Variants in SNTG1 observed in about 807,000 individuals in gnomAD.
SNTG1 encodes gamma-1-syntrophin.
SNTG1 carries 39 observed loss-of-function variants against 74.7 expected under a neutral mutation model. The ratio of observed to expected loss-of-function variants is 0.52; its 90% confidence interval spans 0.40 to 0.68. The LOEUF is 0.68. Among genes scored for constraint, SNTG1 ranks in the 30% least tolerant of loss-of-function variants. SNTG1 has a pLI of 0.00. For missense variants in SNTG1, 685 were observed against 609.5 expected, an observed-to-expected ratio of 1.12 and a Z score of -1.30; for synonymous variants, 254 against 217.1, an observed-to-expected ratio of 1.17 and a Z score of -1.49.
At chr8:49,944,559 C>G (rs1808988850) in intron 1 of SNTG1, among the ~76,000 whole-genome samples, 1 of 115,378 alleles carries the variant, frequency 8.7e-6, no homozygotes, top group Non-Finnish European at 1.6e-5. Context: ...AGGGGAACAT[C>G]ACCCTCTGGG....
rs1261505360 is a variant in SNTG1 at position 50,484,137 on chromosome 8, CTTCT to C, written c.364-18629_364-18626del. On this transcript the variant is annotated intron_variant, in intron 8 of 18. Coordinates refer to ENST00000642720, the MANE Select transcript of SNTG1 (RefSeq NM_018967.5). ...CTTTCTTTCTTTCTTTCTTTCTTTCCTTCTTTCTTTCTTTCCTTCCTTCCTTCCT... is the reference window on the plus strand; with the variant it reads ...CTTTCTTTCTTTCTTTCTTTCTTTCCTTCTTTCTTTCCTTCCTTCCTTCCT... 4.7e-3 allele frequency among the ~76,000 whole-genome samples: 261 copies of C among 55,858 alleles called. 4 individuals are homozygous for C. The highest frequency in any genetic ancestry group is 0.014 in the African/African-American group (251 of 18,144). 36.6% of individuals were successfully genotyped at this position (55,858 alleles called of 152,430 possible).
At chr8:50,434,134 G>A (rs993412730) in intron 4 of SNTG1, among the ~76,000 whole-genome samples, 1 of 148,140 alleles carries the variant, frequency 6.8e-6, no homozygotes, top group Non-Finnish European at 1.5e-5. Context: ...GTGAGAACAT[G>A]CGGTGTTTGG....
chr8:50,401,139 C>CAT (rs1346600998), intron 3 of SNTG1, among the ~76,000 whole-genome samples: 1 of 151,822 alleles, frequency 6.6e-6, no homozygotes, highest in African/African-American at 2.4e-5. Context: ...TGTATATCCC[C>CAT]ATATATATAT....
chr8:50,587,084 AT>A (rs2094654068), intron 12 of SNTG1, among the ~76,000 whole-genome samples: 1 of 151,908 alleles, frequency 6.6e-6, no homozygotes, highest in Non-Finnish European at 1.5e-5. Flanking sequence ...GCTTACAGAC[AT>A]TAATCTAAAT....
chr8:50,128,847 A>G (rs1182549062), intron 1 of SNTG1, among the ~76,000 whole-genome samples: 1 of 152,128 alleles, frequency 6.6e-6, no homozygotes, highest in Non-Finnish European at 1.5e-5. Context: ...CACAATTTGA[A>G]CTTTATATCA....
intron 9 of SNTG1, among the ~76,000 whole-genome samples, chr8:50,504,010 G>T (rs1337939424): frequency 6.6e-6 from 1 of 152,116 alleles, no homozygotes; most frequent in Non-Finnish European, 1.5e-5. Flanking sequence ...CCCACTGAAA[G>T]GCCACAGTGT....
chr8:50,318,115 C>A (rs891285114), intron 2 of SNTG1, among the ~76,000 whole-genome samples: 1 of 152,012 alleles, frequency 6.6e-6, no homozygotes, highest in Admixed American at 6.6e-5. Context: ...GGATTACAGG[C>A]GTGAGCCACC....
chr8:50,657,823 A>G (rs966541583), intron 14 of SNTG1, among the ~76,000 whole-genome samples: 4 of 152,136 alleles, frequency 2.6e-5, no homozygotes, highest in Non-Finnish European at 5.9e-5. Flanking sequence ...ATATGTATAG[A>G]TACCTATTGC....
intron 1 of SNTG1, among the ~76,000 whole-genome samples, chr8:50,042,979 T>C (rs1333072925): frequency 6.6e-6 from 1 of 152,102 alleles, no homozygotes; most frequent in Non-Finnish European, 1.5e-5. Context: ...AGCCATTGAG[T>C]AATAAAAAAC....
At chr8:50,600,015 A>G (rs1355057357) in intron 13 of SNTG1, among the ~76,000 whole-genome samples, 1 of 152,068 alleles carries the variant, frequency 6.6e-6, no homozygotes, top group Non-Finnish European at 1.5e-5. Context: ...TCATGAAGGG[A>G]TATTGAATTT....
chr8:50,695,638 T>G (rs1251358718), intron 15 of SNTG1, among the ~76,000 whole-genome samples: 1 of 151,812 alleles, frequency 6.6e-6, no homozygotes, highest in East Asian at 1.9e-4. Context: ...TCTTACTCTT[T>G]GAAGTCTTCA....
chr8:50,351,112 G>C (rs570951050), intron 2 of SNTG1, among the ~76,000 whole-genome samples: 1 of 152,178 alleles, frequency 6.6e-6, no homozygotes, highest in Non-Finnish European at 1.5e-5. Flanking sequence ...ACCCTTACAT[G>C]GTGTTGGCAG....
At chr8:50,249,559 G>C (rs2086555374) in intron 2 of SNTG1, among the ~76,000 whole-genome samples, 1 of 152,200 alleles carries the variant, frequency 6.6e-6, no homozygotes. Flanking sequence ...AGACCAGGCA[G>C]TGACCCTGAC....
At chr8:50,710,756 C>T (rs760113119) in intron 17 of SNTG1, among the ~76,000 whole-genome samples, 21 of 152,224 alleles carry the variant, frequency 1.4e-4, no homozygotes, top group South Asian at 4.1e-4. Flanking sequence ...GTTCTGGGAA[C>T]GAGTGCGTAG....
intron 4 of SNTG1, among the ~76,000 whole-genome samples, chr8:50,412,438 G>A (rs1163354985): frequency 6.6e-6 from 1 of 152,014 alleles, no homozygotes; most frequent in Non-Finnish European, 1.5e-5. Context: ...TTATTATTAT[G>A]TTTTTCACTT....
At chr8:50,007,750 G>T (rs1815378643) in intron 1 of SNTG1, among the ~76,000 whole-genome samples, 1 of 151,986 alleles carries the variant, frequency 6.6e-6, no homozygotes, top group Admixed American at 6.6e-5. Context: ...TGAATTTAGA[G>T]GAAAGAGAAT....
chr8:50,747,735 TTTCC>T (rs1004081159), intron 17 of SNTG1: 3 of 151,978 alleles, frequency 2.0e-5, no homozygotes, highest in African/African-American at 7.2e-5. Context: ...TCCTTCTTTC[TTTCC>T]TTCCTCTCTT....
intron 9 of SNTG1, among the ~76,000 whole-genome samples, chr8:50,509,853 C>T (rs1004721459): frequency 2.0e-5 from 3 of 152,162 alleles, no homozygotes; most frequent in African/African-American, 7.2e-5. Context: ...ACAATCATGT[C>T]ATCTGCAAGC....
chr8:50,773,846 G>A (rs2095633389), intron 18 of SNTG1, among the ~76,000 whole-genome samples: 1 of 152,080 alleles, frequency 6.6e-6, no homozygotes, highest in Non-Finnish European at 1.5e-5. Flanking sequence ...TGGTCTAAAT[G>A]AAGCTATGCC....
Sources: allele counts gnomAD v4.1 joint callset (sites outside exome capture counted in the v4.1 genomes callset), GRCh38; gene constraint gnomAD v4.1.1; transcripts MANE v1.5; gene names NCBI Gene and HGNC (gene_info 2026-07-23, HGNC 2026-07-21).